The following DOK5 variants were observed in gnomAD, a reference collection of about 807,000 sequenced individuals.
DOK5 encodes the protein docking protein 5.
Under a neutral mutation model 43.3 loss-of-function variants are expected in DOK5, and 27 were observed. The observed-to-expected ratio is 0.62, with a 90% CI of 0.46 to 0.86. DOK5 has a LOEUF of 0.86. Among genes scored for constraint, DOK5 ranks in the 40% least tolerant of loss-of-function variants. DOK5 has a pLI of 0.00. For missense variants in DOK5, 373 were observed against 392.9 expected (o/e 0.95, Z 0.43); for synonymous variants, 146 against 140.1 (o/e 1.04, Z -0.30).
intron 1 of DOK5, among the ~76,000 whole-genome samples, chr20:54,519,546 A>G (rs1950875527): frequency 1.3e-5 from 2 of 152,226 alleles, no homozygotes; most frequent in African/African-American, 2.4e-5. Flanking sequence ...TAAAATTTCT[A>G]CAGAATAGCA....
chr20:54,545,269 T>C (rs1174444739), intron 1 of DOK5, among the ~76,000 whole-genome samples: 2 of 152,250 alleles, frequency 1.3e-5, no homozygotes, highest in East Asian at 3.8e-4. Flanking sequence ...GGGCATTACC[T>C]GTGGGGCAAA....
intron 1 of DOK5, among the ~76,000 whole-genome samples, chr20:54,553,509 T>G (rs1357043694): frequency 1.3e-5 from 2 of 151,756 alleles, no homozygotes. Context: ...TTCTATTCTT[T>G]TTAGGTTATT....
intron 2 of DOK5, among the ~76,000 whole-genome samples, chr20:54,565,036 G>A (rs1026724628): frequency 6.6e-6 from 1 of 151,934 alleles, no homozygotes; most frequent in Non-Finnish European, 1.5e-5. Flanking sequence ...TCAGGGATTA[G>A]CTCAATTTCA....
intron 2 of DOK5, among the ~76,000 whole-genome samples, chr20:54,564,527 C>A (rs553683109): frequency 5.1e-4 from 78 of 152,288 alleles, no homozygotes; most frequent in African/African-American, 1.9e-3. Flanking sequence ...GTCTATGCCT[C>A]CTCTGTAAGA....
At chr20:54,545,800 C>CTA (rs1009093142) in intron 1 of DOK5, among the ~76,000 whole-genome samples, 1 of 152,208 alleles carries the variant, frequency 6.6e-6, no homozygotes, top group Non-Finnish European at 1.5e-5. Flanking sequence ...CCCTTCAAAA[C>CTA]TATCACTGTG....
intron 1 of DOK5, among the ~76,000 whole-genome samples, chr20:54,522,270 TGGGC>T (rs1017198200): frequency 3.9e-5 from 6 of 152,118 alleles, no homozygotes; most frequent in African/African-American, 1.4e-4. Flanking sequence ...GAATTTGTGT[TGGGC>T]GGCATTTAAA....
At chr20:54,614,689 T>A (rs1986751868) in intron 6 of DOK5, among the ~76,000 whole-genome samples, 1 of 152,222 alleles carries the variant, frequency 6.6e-6, no homozygotes, top group Non-Finnish European at 1.5e-5. Flanking sequence ...TAATTTGCTG[T>A]ATGCTTAATG....
chr20:54,642,871 G>A (rs1395748110), intron 6 of DOK5, among the ~76,000 whole-genome samples: 1 of 152,022 alleles, frequency 6.6e-6, no homozygotes, highest in South Asian at 2.1e-4. Flanking sequence ...GCTTTTCTTG[G>A]CTGTCTTCTT....
intron 5 of DOK5, among the ~76,000 whole-genome samples, chr20:54,607,665 T>C (rs1384742645): frequency 6.6e-6 from 1 of 151,572 alleles, no homozygotes; most frequent in African/African-American, 2.4e-5. Flanking sequence ...GGTGGGCAGA[T>C]CACGAGGTCA....
At chr20:54,646,667 A>AT (rs199978321) in intron 7 of DOK5, among the ~76,000 whole-genome samples, 1 of 152,228 alleles carries the variant, frequency 6.6e-6, no homozygotes, top group Non-Finnish European at 1.5e-5. Flanking sequence ...AAACAAGTAC[A>AT]TTTAAAAAAA....
intron 2 of DOK5, among the ~76,000 whole-genome samples, chr20:54,564,337 A>G (rs903032877): frequency 6.6e-6 from 1 of 152,200 alleles, no homozygotes; most frequent in African/African-American, 2.4e-5. Flanking sequence ...AGGCTGAGGC[A>G]GGAGAATGGC....
intron 1 of DOK5, among the ~76,000 whole-genome samples, chr20:54,484,163 G>A (rs910651977): frequency 6.6e-5 from 10 of 152,090 alleles, no homozygotes; most frequent in Non-Finnish European, 1.0e-4. Context: ...TGGATCACCC[G>A]AGGTCAGGAG....
intron 2 of DOK5, among the ~76,000 whole-genome samples, chr20:54,556,157 A>G (rs1333584324): frequency 6.6e-6 from 1 of 152,200 alleles, no homozygotes; most frequent in African/African-American, 2.4e-5. Flanking sequence ...ACAGGTAGAG[A>G]AGGGAGTCAA....
intron 2 of DOK5, among the ~76,000 whole-genome samples, chr20:54,584,620 T>C (rs1006884902): frequency 1.1e-4 from 17 of 150,878 alleles, no homozygotes; most frequent in African/African-American, 3.9e-4. Context: ...GTTATAGTAC[T>C]ATAATATGTA....
chr20:54,525,093 G>A (rs1983534716), intron 1 of DOK5, among the ~76,000 whole-genome samples: 2 of 152,210 alleles, frequency 1.3e-5, no homozygotes, highest in South Asian at 4.1e-4. Context: ...GAGCACTTGT[G>A]TTATTTATAG....
chr20:54,498,139 C>T (rs1328812543), intron 1 of DOK5, among the ~76,000 whole-genome samples: 1 of 152,128 alleles, frequency 6.6e-6, no homozygotes, highest in Non-Finnish European at 1.5e-5. Context: ...GTAAATTAAT[C>T]CATTTGTCAC....
chr20:54,508,849 G>A (rs1487743977), intron 1 of DOK5, among the ~76,000 whole-genome samples: 1 of 151,854 alleles, frequency 6.6e-6, no homozygotes, highest in East Asian at 1.9e-4. Context: ...CAGAGTGTTG[G>A]GATTACAGGT....
intron 2 of DOK5, among the ~76,000 whole-genome samples, chr20:54,585,021 T>C (rs1985760475): frequency 6.6e-6 from 1 of 152,160 alleles, no homozygotes; most frequent in African/African-American, 2.4e-5. Flanking sequence ...TCTGCAAAAT[T>C]TAGTTATCAT....
At chr20:54,497,280 A>G (rs112375563) in intron 1 of DOK5, among the ~76,000 whole-genome samples, 5 of 152,358 alleles carry the variant, frequency 3.3e-5, no homozygotes, top group African/African-American at 1.2e-4. Flanking sequence ...GAATATTACA[A>G]ACCCGAATGT....
Sources: allele counts gnomAD v4.1 joint callset (sites outside exome capture counted in the v4.1 genomes callset), GRCh38; gene constraint gnomAD v4.1.1; transcripts MANE v1.5; gene names NCBI Gene and HGNC (gene_info 2026-07-23, HGNC 2026-07-21).